Variants in UGT1A3 observed in about 807,000 individuals in gnomAD.
UGT1A3 encodes UDP glucuronosyltransferase family 1 member A3, also known as UDP-glucuronosyltransferase 1A3.
Under a neutral mutation model 41.0 loss-of-function variants are expected in UGT1A3, and 31 were observed. The ratio of observed to expected loss-of-function variants is 0.76; its 90% CI spans 0.57 to 1.02. The LOEUF is 1.02. UGT1A3 is among the 50% of genes least tolerant of loss of function. The pLI is 0.00. For missense variants in UGT1A3, 737 were observed against 671.0 expected, an observed-to-expected ratio of 1.10 and a Z score of -1.09; for synonymous variants, 262 against 257.6, an observed-to-expected ratio of 1.02 and a Z score of -0.17.
rs527503361 is a variant in UGT1A3 at position 233,743,746 on chromosome 2, C to T, written c.867+13753C>T. ...CATAGATATCGCGTTTCTTGGCGTC[C>T]GACAACACCTCGTAGGCCTCGGCCA... On this transcript the variant is annotated intron_variant, in intron 1 of 4. Coordinates refer to ENST00000482026, the MANE Select transcript of UGT1A3 (RefSeq NM_019093.4). The T allele has an allele frequency of 1.3e-5, 18 of 1,367,364 alleles. 1 individual carries two copies. The highest frequency in any genetic ancestry group is 1.0e-4 in the African/African-American group (7 of 67,556). 84.7% of individuals were successfully genotyped at this position (1,367,364 alleles called of 1,614,324 possible).
At chr2:233,761,193 A>C (rs764178788) in intron 1 of UGT1A3, 1 of 1,614,148 alleles carries the variant, frequency 6.2e-7, no homozygotes, top group Non-Finnish European at 8.5e-7. Flanking sequence ...ATATTCTTTC[A>C]GATGTATTAC....
At chr2:233,750,488 T>A (rs1694469780) in intron 1 of UGT1A3, 1 of 151,920 alleles carries the variant, frequency 6.6e-6, no homozygotes, top group African/African-American at 2.4e-5. Context: ...TTTGCATAAG[T>A]AAGGAGGAGC....
intron 1 of UGT1A3, chr2:233,747,395 C>CA (rs1422981033): frequency 1.9e-6 from 3 of 1,606,350 alleles, no homozygotes; most frequent in Non-Finnish European, 2.6e-6. Context: ...CGGTGGTCCT[C>CA]ACCCCAGAGG....
intron 1 of UGT1A3, among the ~76,000 whole-genome samples, chr2:233,737,122 TTGTC>T (rs1485045027): frequency 6.6e-6 from 1 of 152,146 alleles, no homozygotes; most frequent in Admixed American, 6.5e-5. Context: ...TGTTCAGAAG[TTGTC>T]TGCTGCCTTT....
At chr2:233,758,324 A>G (rs1465079880) in intron 1 of UGT1A3, among the ~76,000 whole-genome samples, 5 of 152,226 alleles carry the variant, frequency 3.3e-5, no homozygotes, top group Admixed American at 3.3e-4. Context: ...AAGCAGCCTC[A>G]AAAAGCTTGG....
chr2:233,749,706 G>A (rs1034716164), intron 1 of UGT1A3, among the ~76,000 whole-genome samples: 7 of 151,828 alleles, frequency 4.6e-5, no homozygotes, highest in Non-Finnish European at 8.8e-5. Context: ...GAGGTGATTG[G>A]ATCATGGGGG....
chr2:233,754,621 C>T (rs773983465), intron 1 of UGT1A3: 4 of 441,750 alleles, frequency 9.1e-6, no homozygotes, highest in South Asian at 6.4e-5. Flanking sequence ...TCTTCCTCCA[C>T]TTCCACCCTT....
At chr2:233,764,941 C>T (rs937605699) in intron 1 of UGT1A3, among the ~76,000 whole-genome samples, 2 of 152,052 alleles carry the variant, frequency 1.3e-5, no homozygotes, top group Admixed American at 6.5e-5. Flanking sequence ...GTGAGAGTGG[C>T]GGGGAGAGAG....
intron 1 of UGT1A3, among the ~76,000 whole-genome samples, chr2:233,748,293 A>G (rs1052851237): frequency 6.6e-6 from 1 of 151,694 alleles, no homozygotes; most frequent in Non-Finnish European, 1.5e-5. Context: ...GCAGACATGA[A>G]TGTTTATCAA....
chr2:233,747,906 G>C, intron 1 of UGT1A3: 1 of 1,613,472 alleles, frequency 6.2e-7, no homozygotes, highest in Non-Finnish European at 8.5e-7. Context: ...TGCTCCTTAT[G>C]CAAGCCTTGC....
At chr2:233,747,606 C>T (rs1358183781) in intron 1 of UGT1A3, 1 of 1,574,604 alleles carries the variant, frequency 6.4e-7, no homozygotes, top group Admixed American at 1.7e-5. Flanking sequence ...TGTGGAGCTA[C>T]TGCATAATGA....
At chr2:233,753,145 T>C (rs1695138672) in intron 1 of UGT1A3, 1 of 152,202 alleles carries the variant, frequency 6.6e-6, no homozygotes, top group Non-Finnish European at 1.5e-5. Flanking sequence ...TCTTCACACA[T>C]GTAAGTTCCC....
At chr2:233,754,193 TA>T (rs1341563622) in intron 1 of UGT1A3, 2 of 162,294 alleles carry the variant, frequency 1.2e-5, no homozygotes, top group African/African-American at 4.8e-5. Context: ...CACCACACAG[TA>T]AAACATTGAA....
At chr2:233,743,218 T>C in intron 1 of UGT1A3, 1 of 410,544 alleles carries the variant, frequency 2.4e-6, no homozygotes. Flanking sequence ...GTAACTGCTC[T>C]TTGCTATTTA....
chr2:233,747,003 G>A (rs1452133223), intron 1 of UGT1A3, among the ~76,000 whole-genome samples: 4 of 151,906 alleles, frequency 2.6e-5, no homozygotes, highest in African/African-American at 4.9e-5. Flanking sequence ...AGTTTTTCAA[G>A]TAGGAGTGAT....
chr2:233,747,775 C>G (rs1325525681), intron 1 of UGT1A3: 1 of 1,613,320 alleles, frequency 6.2e-7, no homozygotes, highest in Non-Finnish European at 8.5e-7. Context: ...ACACAGTGTC[C>G]AAATCCTTCC....
chr2:233,747,124 G>A, intron 1 of UGT1A3: 2 of 1,489,224 alleles, frequency 1.3e-6, no homozygotes, highest in Non-Finnish European at 1.8e-6. Flanking sequence ...TTTGCTAAGT[G>A]GCTCAGTGAC....
intron 1 of UGT1A3, among the ~76,000 whole-genome samples, chr2:233,744,785 A>C (rs1433110343): frequency 6.6e-6 from 1 of 151,864 alleles, no homozygotes; most frequent in Non-Finnish European, 1.5e-5. Context: ...TCTCCTGAAA[A>C]ATTCTTGGGG....
intron 1 of UGT1A3, among the ~76,000 whole-genome samples, chr2:233,751,100 G>A (rs895970679): frequency 2.6e-5 from 4 of 151,920 alleles, no homozygotes; most frequent in African/African-American, 9.7e-5. Context: ...GGAGGGCTTT[G>A]CCCTGCAAGC....
Sources: gnomAD v4.1 joint callset for allele counts (sites outside exome capture counted in the v4.1 genomes callset) on GRCh38, gnomAD v4.1.1 for gene constraint, MANE v1.5 for transcripts, NCBI Gene and HGNC (gene_info 2026-07-23, HGNC 2026-07-21) for gene names.